The following ITGAM variants were observed in gnomAD, a reference collection of about 807,000 sequenced individuals.
ITGAM encodes the protein integrin alpha-M.
A neutral mutation model predicts 137.5 loss-of-function variants in ITGAM; 79 were observed. The observed-to-expected ratio is 0.57, with a 90% CI of 0.48 to 0.69. The LOEUF is 0.69. Ranked by LOEUF, ITGAM falls within the 30% of genes least tolerant of loss-of-function variation. The probability of loss-of-function intolerance (pLI) is 0.00; values close to 1 mark genes in which losing one functional copy is unlikely to be tolerated. For missense variants in ITGAM, 1,343 were observed against 1,483.5 expected, an observed-to-expected ratio of 0.91 and a Z score of 1.56; for synonymous variants, 583 against 592.3, an observed-to-expected ratio of 0.98 and a Z score of 0.23.
chr16:31,327,615 AT>A (rs1262189321), intron 22 of ITGAM, among the ~76,000 whole-genome samples: 3 of 151,176 alleles, frequency 2.0e-5, no homozygotes, highest in African/African-American at 7.3e-5. Context: ...AATAATAATA[AT>A]AATAAAAAAT....
intron 2 of ITGAM, among the ~76,000 whole-genome samples, chr16:31,263,395 T>C (rs989356171): frequency 3.9e-5 from 6 of 152,222 alleles, no homozygotes; most frequent in Non-Finnish European, 7.3e-5. Flanking sequence ...CACGGGTGCA[T>C]GAGCACGTGC....
In ITGAM at chr16:31,329,850, C is replaced by G; in HGVS notation, c.2921C>G (p.Pro974Arg). ...SLPISLVFLV[P>R]VRLNQTVIWD... is the part of the protein sequence containing the mutation. ...CCCATCAGCCTGGTGTTCTTGGTGC[C>G]CGTCCGGCTGAACCAGACTGTCATA... is the stretch of plus-strand genomic sequence containing the variant. The change falls in exon 25 of 30, where the codon CCC becomes CGC. Residue 974 changes from proline to arginine, a missense_variant. Transcript: ENST00000544665. The G allele has an allele frequency of 6.4e-7, 1 of 1,564,664 alleles. No individual in the cohort carries two copies. The highest frequency in any genetic ancestry group is 8.7e-7 in the Non-Finnish European group (1 of 1,154,572).
chr16:31,307,331 G>T (rs2080275329), intron 14 of ITGAM, among the ~76,000 whole-genome samples: 1 of 152,048 alleles, frequency 6.6e-6, no homozygotes, highest in South Asian at 2.1e-4. Context: ...ATTGAGCAGT[G>T]GTTTGTAGTT....
chr16:31,262,577 A>AT (rs546125362), intron 2 of ITGAM, among the ~76,000 whole-genome samples: 190 of 151,358 alleles, frequency 1.3e-3, no homozygotes, highest in African/African-American at 4.4e-3. Flanking sequence ...TAATTTTTTG[A>AT]TTTTTTTTGT....
intron 28 of ITGAM, 130 bp from the exon 29 acceptor site, chr16:31,331,035 G>T: frequency 1.6e-6 from 1 of 614,172 alleles, no homozygotes; most frequent in South Asian, 2.0e-5. Context: ...GGGGGAGGAG[G>T]ACTGAGGGCT....
intron 12 of ITGAM, among the ~76,000 whole-genome samples, chr16:31,294,902 T>C (rs1284907268): frequency 3.9e-5 from 6 of 152,190 alleles, no homozygotes; most frequent in African/African-American, 4.8e-5. Flanking sequence ...ATTTTGTATA[T>C]GGTTTGGGAT....
intron 12 of ITGAM, among the ~76,000 whole-genome samples, chr16:31,290,145 A>G (rs1021968886): frequency 1.3e-5 from 2 of 151,988 alleles, no homozygotes; most frequent in Admixed American, 6.6e-5. Context: ...ATCCAAAACA[A>G]TCTTAGAAAA....
chr16:31,273,701 C>A (rs1375868646), intron 8 of ITGAM, 183 bp downstream of exon 8: 2 of 561,540 alleles, frequency 3.6e-6, no homozygotes, highest in African/African-American at 1.9e-5. Flanking sequence ...CAAAATTCAG[C>A]AGCTTAAAAT....
In ITGAM at chr16:31,324,658, T is replaced by C. The variant is rs1473399512; in HGVS notation, c.2165T>C (p.Ile722Thr). 1.5e-5 allele frequency: 24 copies of C among 1,603,016 alleles called. No homozygotes were observed. The highest frequency in any genetic ancestry group is 2.0e-5 in the Non-Finnish European group (24 of 1,174,262). Residue 722 changes from isoleucine to threonine, a missense_variant, in exon 18 of 30, where the codon ATC becomes ACC. By Grantham distance (89) the Ile-to-Thr change is moderately conservative (BLOSUM62 -1). Coordinates refer to ENST00000544665, the MANE Select transcript of ITGAM (RefSeq NM_000632.4). The surrounding 1 kb of genome is among the most constrained non-coding windows in gnomAD (Gnocchi z 4.5). ...ATCCCGGCTATCTCTTAGAATTGCATCGAGGACCCAGTGAGCCCCATTGTG... is the reference window on the plus strand; with the variant it reads ...ATCCCGGCTATCTCTTAGAATTGCACCGAGGACCCAGTGAGCCCCATTGTG... Reference protein sequence around the residue: ...ETLKLQLPNCIEDPVSPIVLR... With the variant: ...ETLKLQLPNCTEDPVSPIVLR...
At position 31,330,319 on chromosome 16, in the gene ITGAM, C is replaced by T. The variant is rs548029040; in HGVS notation, c.3072C>T (p.Ile1024=). The T allele has an allele frequency of 6.2e-7, 1 of 1,613,734 alleles. No individual in the cohort carries two copies. The highest frequency in any genetic ancestry group is 2.2e-5 in the East Asian group (1 of 44,876). ...CCTGCGTTCCCCAGAACTGCTCCAT[C>T]GCTGTCTGCCAGAGAATCCAGTGTG... ...LRKAPVVNCS[I]AVCQRIQCDI... is the part of the protein sequence containing the mutation. The change falls in exon 27 of 30, where the codon ATC becomes ATT. Residue 1024 remains isoleucine (I), a synonymous_variant. Coordinates refer to ENST00000544665, the MANE Select transcript of ITGAM (RefSeq NM_000632.4).
chr16:31,306,013 C>G (rs1026471634), intron 14 of ITGAM, among the ~76,000 whole-genome samples: 1 of 152,058 alleles, frequency 6.6e-6, no homozygotes, highest in African/African-American at 2.4e-5. Context: ...CTTTCTCTAT[C>G]TTTTGGAATA....
intron 16 of ITGAM, among the ~76,000 whole-genome samples, chr16:31,323,426 C>CAA (rs201419202): frequency 8.7e-4 from 73 of 84,014 alleles, no homozygotes; most frequent in African/African-American, 2.8e-3. Context: ...AACTCCATTT[C>CAA]AAAAAAAAAA....
At chr16:31,329,707 C>CCTAT in intron 24 of ITGAM, 91 bp from the exon 25 acceptor site, 1 of 1,064,546 alleles carries the variant, frequency 9.4e-7, no homozygotes, top group Non-Finnish European at 1.4e-6. Context: ...GACGCCCGGG[C>CCTAT]CTATGGCCTG....
intron 8 of ITGAM, among the ~76,000 whole-genome samples, chr16:31,274,422 C>T (rs2079883647): frequency 6.6e-6 from 1 of 152,032 alleles, no homozygotes; most frequent in Admixed American, 6.6e-5. Context: ...GCAGAGCCCT[C>T]GGCAGCAAAT....
In ITGAM at chr16:31,331,241, T is replaced by C. The variant is rs2080578325; in HGVS notation, c.3353T>C (p.Leu1118Pro). 2.5e-6 allele frequency: 4 copies of C among 1,612,896 alleles called. No individual in the cohort carries two copies. The highest frequency in any genetic ancestry group is 2.7e-5 in the African/African-American group (2 of 74,990). The change falls in exon 29 of 30, where the codon CTG becomes CCG. Residue 1118 changes from leucine to proline, a missense_variant. Transcript: ENST00000544665. ...LIVGSSVGGL[L>P]LLALITAALY... is the part of the protein sequence containing the mutation. ...GTGGGCAGCTCTGTCGGGGGACTGC[T>C]GCTCCTGGCCCTCATCACCGCCGCG... is the stretch of plus-strand genomic sequence containing the variant.
chr16:31,310,253 T>C (rs897288872), intron 14 of ITGAM, among the ~76,000 whole-genome samples: 11 of 152,324 alleles, frequency 7.2e-5, no homozygotes, highest in African/African-American at 2.6e-4. Flanking sequence ...CCTTGCTAGA[T>C]TGGGGAAGTT....
chr16:31,303,902 G>A (rs568047713), intron 14 of ITGAM, among the ~76,000 whole-genome samples: 10 of 152,250 alleles, frequency 6.6e-5, no homozygotes, highest in African/African-American at 2.4e-4. Context: ...CTTTGCAATT[G>A]TGAATTGTGC....
intron 26 of ITGAM, 46 bp from the exon 27 acceptor site, chr16:31,330,262 T>C (rs780203837): frequency 6.3e-7 from 1 of 1,589,240 alleles, no homozygotes; most frequent in Non-Finnish European, 8.6e-7. Context: ...GGGTGTTCTC[T>C]GCCTTCGGCT....
At position 31,276,750 on chromosome 16, in the gene ITGAM, T is replaced by C; in HGVS notation, c.1083+6T>C. On this transcript the variant is annotated splice_donor_region_variant and intron_variant, in intron 10 of 29. Coordinates refer to ENST00000544665, the MANE Select transcript of ITGAM (RefSeq NM_000632.4). The stretch of plus-strand genomic sequence containing the variant: ...TCAGCGCTGCCATCACCTCTGTAAG[T>C]GGCCCTTCATTAAATTGCGGGGGTG... The C allele has an allele frequency of 6.2e-7, 1 of 1,606,426 alleles. No homozygotes were observed. The highest frequency in any genetic ancestry group is 8.5e-7 in the Non-Finnish European group (1 of 1,176,436).
Sources: allele counts gnomAD v4.1 joint callset (sites outside exome capture counted in the v4.1 genomes callset), GRCh38; gene constraint gnomAD v4.1.1; non-coding constraint Gnocchi (gnomAD v3.1); transcripts MANE v1.5; gene names NCBI Gene and HGNC (gene_info 2026-07-23, HGNC 2026-07-21).